Variants in ADAM23 observed in about 807,000 individuals in gnomAD.
ADAM23 encodes disintegrin and metalloproteinase domain-containing protein 23.
In ADAM23, 33 loss-of-function variants were observed where a neutral mutation model predicts 120.1. That is an observed-to-expected ratio of 0.27 (90% CI 0.21 to 0.37). The LOEUF is 0.37. Ranked by LOEUF, ADAM23 falls within the 10% of genes least tolerant of loss-of-function variation. ADAM23 has a pLI of 1.00. For missense variants in ADAM23, 862 were observed against 1,058.2 expected (o/e 0.81, Z 2.57); for synonymous variants, 367 against 375.2 (o/e 0.98, Z 0.25).
At chr2:206,535,313 G>A (rs1015698511) in intron 4 of ADAM23, among the ~76,000 whole-genome samples, 11 of 152,196 alleles carry the variant, frequency 7.2e-5, no homozygotes, top group Non-Finnish European at 1.6e-4. Flanking sequence ...AACAAGTGCT[G>A]TCGAGATTGT....
chr2:206,523,304 AC>A (rs5838027), intron 3 of ADAM23, among the ~76,000 whole-genome samples: 125,089 of 152,100 alleles, frequency 0.82, 51,894 homozygotes, highest in African/African-American at 0.94. Context: ...TTCTCTTGTT[AC>A]CCCCAAAGAA....
chr2:206,501,628 A>G (rs528599099), intron 3 of ADAM23, among the ~76,000 whole-genome samples: 1 of 152,242 alleles, frequency 6.6e-6, no homozygotes, highest in South Asian at 2.1e-4. Context: ...GCACATAAGA[A>G]GCTATTTATA....
intron 3 of ADAM23, among the ~76,000 whole-genome samples, chr2:206,508,794 G>A (rs747595191): frequency 6.6e-6 from 1 of 152,142 alleles, no homozygotes; most frequent in South Asian, 2.1e-4. Flanking sequence ...TGCTGAAATA[G>A]GCATTTTGTA....
chr2:206,502,782 A>G (rs1423205882), intron 3 of ADAM23, among the ~76,000 whole-genome samples: 1 of 152,176 alleles, frequency 6.6e-6, no homozygotes, highest in Non-Finnish European at 1.5e-5. Context: ...GTTTGTGGAC[A>G]TGTAATTTTA....
At chr2:206,578,546 T>C (rs965898540) in intron 18 of ADAM23, among the ~76,000 whole-genome samples, 1 of 134,914 alleles carries the variant, frequency 7.4e-6, no homozygotes, top group Non-Finnish European at 1.6e-5. Context: ...TTTATGACTA[T>C]GTAGCATTCC....
intron 12 of ADAM23, among the ~76,000 whole-genome samples, chr2:206,561,782 A>G (rs1697773072): frequency 6.6e-6 from 1 of 152,196 alleles, no homozygotes; most frequent in African/African-American, 2.4e-5. Flanking sequence ...TCTTGTCAAT[A>G]CTGAAATATA....
intron 3 of ADAM23, among the ~76,000 whole-genome samples, chr2:206,522,046 T>G (rs1340446858): frequency 6.6e-6 from 1 of 152,176 alleles, no homozygotes; most frequent in East Asian, 1.9e-4. Context: ...TTTCTTTTTT[T>G]CATGAGTTGC....
At chr2:206,465,838 A>G (rs1345336792) in intron 2 of ADAM23, among the ~76,000 whole-genome samples, 3 of 152,154 alleles carry the variant, frequency 2.0e-5, no homozygotes, top group Non-Finnish European at 1.5e-5. Context: ...GAATGAAGTG[A>G]TTTATATAAT....
intron 2 of ADAM23, among the ~76,000 whole-genome samples, chr2:206,448,792 A>G (rs953558850): frequency 1.3e-5 from 2 of 152,220 alleles, no homozygotes; most frequent in Non-Finnish European, 2.9e-5. Context: ...GAGGGCATTG[A>G]AGATCCTCGC....
intron 4 of ADAM23, among the ~76,000 whole-genome samples, chr2:206,539,039 A>G (rs1239761266): frequency 1.3e-5 from 2 of 152,176 alleles, no homozygotes; most frequent in African/African-American, 4.8e-5. Context: ...TAAAAGATGG[A>G]CATGGCTTCA....
chr2:206,499,501 G>GC (rs1559235673), intron 3 of ADAM23, among the ~76,000 whole-genome samples: 30 of 123,406 alleles, frequency 2.4e-4, no homozygotes, highest in Admixed American at 1.1e-3. Flanking sequence ...TGTGGGGTGG[G>GC]GGGAGGGGGG....
intron 3 of ADAM23, among the ~76,000 whole-genome samples, chr2:206,529,092 G>A (rs1696997560): frequency 6.6e-6 from 1 of 152,078 alleles, no homozygotes; most frequent in Non-Finnish European, 1.5e-5. Context: ...AAGAAGTTGA[G>A]TTAAAATAAA....
At chr2:206,489,982 C>T (rs1296399912) in intron 3 of ADAM23, among the ~76,000 whole-genome samples, 2 of 152,146 alleles carry the variant, frequency 1.3e-5, no homozygotes, top group African/African-American at 2.4e-5. Flanking sequence ...ACTCTGCATT[C>T]GTACGTTGAA....
chr2:206,477,897 A>ATATATATATATATATAT (rs1553548673), intron 2 of ADAM23, among the ~76,000 whole-genome samples: 187 of 93,448 alleles, frequency 2.0e-3, no homozygotes, highest in African/African-American at 2.8e-3. Flanking sequence ...AAAAAAAAAA[A>ATATATATATATATATAT]ATATATATAT....
intron 2 of ADAM23, among the ~76,000 whole-genome samples, chr2:206,474,168 A>G (rs1242937066): frequency 6.6e-6 from 1 of 152,194 alleles, no homozygotes; most frequent in Non-Finnish European, 1.5e-5. Flanking sequence ...AAAACATGAT[A>G]ATATTTTTCT....
intron 18 of ADAM23, among the ~76,000 whole-genome samples, chr2:206,583,022 A>G (rs1161815486): frequency 6.6e-6 from 1 of 152,150 alleles, no homozygotes; most frequent in East Asian, 1.9e-4. Flanking sequence ...ACCTGATGAC[A>G]ATGTGCCTAG....
intron 4 of ADAM23, among the ~76,000 whole-genome samples, chr2:206,539,565 A>G (rs899817554): frequency 1.3e-5 from 2 of 152,196 alleles, no homozygotes; most frequent in African/African-American, 2.4e-5. Context: ...GGGTACATGG[A>G]GACAGCAGTC....
intron 3 of ADAM23, among the ~76,000 whole-genome samples, chr2:206,504,701 C>A (rs1166942721): frequency 2.0e-5 from 3 of 152,206 alleles, no homozygotes; most frequent in Non-Finnish European, 4.4e-5. Context: ...ATTCCACCAT[C>A]TACAGATGAA....
At chr2:206,449,830 G>C (rs758433123) in intron 2 of ADAM23, among the ~76,000 whole-genome samples, 1 of 152,084 alleles carries the variant, frequency 6.6e-6, no homozygotes, top group Non-Finnish European at 1.5e-5. Context: ...TAGGATTCTC[G>C]TCTCTTCTGG....
Sources: allele counts gnomAD v4.1 joint callset (sites outside exome capture counted in the v4.1 genomes callset), GRCh38; gene constraint gnomAD v4.1.1; transcripts MANE v1.5; gene names NCBI Gene and HGNC (gene_info 2026-07-23, HGNC 2026-07-21).